TM9SF3: variants seen among roughly 807,000 people sequenced by gnomAD.
TM9SF3 encodes SM-11044-binding protein.
In TM9SF3, 14 loss-of-function variants were observed where a neutral mutation model predicts 78.6. The ratio of observed to expected loss-of-function variants is 0.18; its 90% confidence interval spans 0.12 to 0.28. The LOEUF (loss-of-function observed/expected upper bound fraction) is 0.28, where lower values mean the gene tolerates loss of function less well. TM9SF3 is among the 10% of genes least tolerant of loss of function. TM9SF3 has a pLI of 1.00. For synonymous variants in TM9SF3, 231 were observed against 241.7 expected, an observed-to-expected ratio of 0.96 and a Z score of 0.41; for missense variants, 496 against 721.9, an observed-to-expected ratio of 0.69 and a Z score of 3.59.
At chr10:96,576,855 T>C (rs1325868467) in intron 1 of TM9SF3, 26 bp from the exon 2 acceptor site, 3 of 1,434,852 alleles carry the variant, frequency 2.1e-6, no homozygotes, top group Non-Finnish European at 2.7e-6. Context: ...CAAACAAGAA[T>C]TAAAAAAAAA....
In TM9SF3 at chr10:96,526,731, C is replaced by CT. The variant is rs552169041; in HGVS notation, c.1702+481dup. On this transcript the variant is annotated intron_variant, in intron 14 of 14. Coordinates refer to ENST00000371142, the MANE Select transcript of TM9SF3 (RefSeq NM_020123.4). ...CAAGTATGCAATCATAACAAGTAAACTGTGCTGTCTCCTAGGTGTCTCCTG... is the reference window on the plus strand; with the variant it reads ...CAAGTATGCAATCATAACAAGTAAACTTGTGCTGTCTCCTAGGTGTCTCCTG... Among the ~76,000 whole-genome samples, 335 of 152,222 alleles carry CT rather than the reference C, an allele frequency of 2.2e-3. 2 individuals are homozygous for CT. Among genetic ancestry groups the CT allele is most frequent in the Non-Finnish European group, 3.2e-3 (218 of 67,972 alleles).
chr10:96,582,047 T>C (rs573495410), intron 1 of TM9SF3, among the ~76,000 whole-genome samples: 1 of 152,166 alleles, frequency 6.6e-6, no homozygotes, highest in South Asian at 2.1e-4. Flanking sequence ...TTCAAGTCAT[T>C]CAACAAGCAC....
chr10:96,536,171 T>C (rs1418022716), intron 9 of TM9SF3, among the ~76,000 whole-genome samples: 1 of 139,406 alleles, frequency 7.2e-6, no homozygotes, highest in Non-Finnish European at 1.6e-5. Flanking sequence ...AACAAGCTGA[T>C]GAAGGGCATC....
chr10:96,551,565 T>C (rs1025234142), intron 6 of TM9SF3, among the ~76,000 whole-genome samples, 154 bp from the exon 7 acceptor site: 56 of 152,346 alleles, frequency 3.7e-4, no homozygotes, highest in Middle Eastern at 3.4e-3. Flanking sequence ...AAACTTAGAA[T>C]GATCACTGCC....
At chr10:96,564,245 T>C (rs900466323) in intron 3 of TM9SF3, among the ~76,000 whole-genome samples, 1 of 151,858 alleles carries the variant, frequency 6.6e-6, no homozygotes, top group Non-Finnish European at 1.5e-5. Context: ...TGAGCTATCA[T>C]GGCATCACTG....
intron 14 of TM9SF3, among the ~76,000 whole-genome samples, chr10:96,525,397 CT>C (rs1001058600): frequency 6.6e-6 from 1 of 152,038 alleles, no homozygotes; most frequent in Non-Finnish European, 1.5e-5. Context: ...AGAGAATGAT[CT>C]TTCCTTGTGG....
At chr10:96,525,852 G>A (rs984743449) in intron 14 of TM9SF3, among the ~76,000 whole-genome samples, 1 of 152,046 alleles carries the variant, frequency 6.6e-6, no homozygotes, top group Non-Finnish European at 1.5e-5. Context: ...AAAAAAAAGT[G>A]AGTTACTTGT....
chr10:96,536,005 A>C (rs1028701469), intron 9 of TM9SF3, among the ~76,000 whole-genome samples: 3 of 152,242 alleles, frequency 2.0e-5, no homozygotes. Flanking sequence ...AGACTGATTA[A>C]AGATTAGAAA....
chr10:96,568,915 G>A (rs1227164413), intron 2 of TM9SF3, among the ~76,000 whole-genome samples: 1 of 152,100 alleles, frequency 6.6e-6, no homozygotes, highest in Non-Finnish European at 1.5e-5. Context: ...GGCCAAGCGT[G>A]CTGGCTCACA....
chr10:96,528,259 T>C, intron 11 of TM9SF3, 82 bp from the exon 12 acceptor site: 9 of 1,357,962 alleles, frequency 6.6e-6, no homozygotes, highest in Non-Finnish European at 8.8e-6. Context: ...CACATTTTAG[T>C]TCTCATTTTT....
chr10:96,566,509 A>C (rs1848372742), intron 2 of TM9SF3, among the ~76,000 whole-genome samples: 1 of 152,212 alleles, frequency 6.6e-6, no homozygotes, highest in Non-Finnish European at 1.5e-5. Context: ...CAAAACTACA[A>C]CACCAAAGAT....
rs561077521 is a variant in TM9SF3 at position 96,568,507 on chromosome 10, C to T, written c.299-3081G>A. Among the ~76,000 whole-genome samples, 3 of 152,244 alleles carry T rather than the reference C, an allele frequency of 2.0e-5. No individual in the cohort carries two copies. In the East Asian group the frequency reaches 5.8e-4, roughly 29 times the overall value. Reference sequence around the variant, plus strand: ...TTAGGTAGATTCTGGACACTATGCACCCCAATAATCTACCATCAGTTCCCA... The same window carrying T: ...TTAGGTAGATTCTGGACACTATGCATCCCAATAATCTACCATCAGTTCCCA... On this transcript the variant is annotated intron_variant, in intron 2 of 14. Transcript: ENST00000371142.
At position 96,522,097 on chromosome 10, in the gene TM9SF3, G is replaced by T; in HGVS notation, c.*166C>A. ...GAGAAAGCAGTCAGGAAGAACCTAGGATCAATGGAAATAGATGTTACTTTA... is the reference window on the plus strand; with the variant it reads ...GAGAAAGCAGTCAGGAAGAACCTAGTATCAATGGAAATAGATGTTACTTTA... On this transcript the variant is annotated 3_prime_UTR_variant, in exon 15 of 15. Transcript: ENST00000371142. 1.6e-6 allele frequency: 1 copy of T among 623,662 alleles called. No homozygotes were observed. 38.6% of individuals were successfully genotyped at this position (623,662 alleles called of 1,614,324 possible).
At chr10:96,546,240 A>G (rs1212718032) in intron 8 of TM9SF3, among the ~76,000 whole-genome samples, 1 of 152,180 alleles carries the variant, frequency 6.6e-6, no homozygotes, top group African/African-American at 2.4e-5. Context: ...ATCGGACAAA[A>G]TATCAGGACA....
At chr10:96,578,853 A>G (rs1032605741) in intron 1 of TM9SF3, among the ~76,000 whole-genome samples, 7 of 152,232 alleles carry the variant, frequency 4.6e-5, no homozygotes, top group Admixed American at 4.6e-4. Context: ...AAGCAGGCGG[A>G]TCACTTAAGG....
At chr10:96,581,618 G>A (rs932828007) in intron 1 of TM9SF3, among the ~76,000 whole-genome samples, 4 of 152,030 alleles carry the variant, frequency 2.6e-5, no homozygotes, top group Non-Finnish European at 5.9e-5. Flanking sequence ...AACGAATTAC[G>A]GCATTTAACA....
At chr10:96,551,473 A>C in intron 6 of TM9SF3, 62 bp from the exon 7 acceptor site, 1 of 1,247,246 alleles carries the variant, frequency 8.0e-7, no homozygotes, top group Non-Finnish European at 1.1e-6. Flanking sequence ...ACTAAAACAT[A>C]GTATGTAAAA....
chr10:96,565,458 C>T (rs755893279), intron 2 of TM9SF3, 32 bp from the exon 3 acceptor site: 3 of 1,515,192 alleles, frequency 2.0e-6, no homozygotes, highest in Non-Finnish European at 2.6e-6. Flanking sequence ...AATTAGCCCA[C>T]TAGTTTGCAA....
intron 2 of TM9SF3, among the ~76,000 whole-genome samples, chr10:96,568,764 G>A (rs774906285): frequency 4.9e-4 from 74 of 151,974 alleles, no homozygotes; most frequent in Non-Finnish European, 9.3e-4. Flanking sequence ...GGGCAGAAAG[G>A]TGAGGTTTAT....
Sources: allele counts gnomAD v4.1 joint callset (sites outside exome capture counted in the v4.1 genomes callset), GRCh38; gene constraint gnomAD v4.1.1; transcripts MANE v1.5; gene names NCBI Gene and HGNC (gene_info 2026-07-23, HGNC 2026-07-21).